Variants in SUCLG2 observed in about 807,000 individuals in gnomAD.
SUCLG2 encodes the protein succinate--CoA ligase [GDP-forming] subunit beta, mitochondrial.
Under a neutral mutation model 47.9 loss-of-function variants are expected in SUCLG2, and 42 were observed. The observed-to-expected ratio is 0.88, with a 90% CI of 0.69 to 1.14. The LOEUF is 1.14. Among genes scored for constraint, SUCLG2 ranks in the 50% most tolerant of loss-of-function variants. The probability of loss-of-function intolerance (pLI) is 0.00; values close to 1 mark genes in which losing one functional copy is unlikely to be tolerated. For synonymous variants in SUCLG2, 195 were observed against 197.3 expected, an observed-to-expected ratio of 0.99 and a Z score of 0.10; for missense variants, 571 against 525.9, an observed-to-expected ratio of 1.09 and a Z score of -0.84.
At chr3:67,649,069 G>A (rs1308773285) in intron 1 of SUCLG2, among the ~76,000 whole-genome samples, 1 of 152,182 alleles carries the variant, frequency 6.6e-6, no homozygotes, top group Non-Finnish European at 1.5e-5. Flanking sequence ...GGAAAGGCAG[G>A]GCTGGGTAAG....
chr3:67,605,312 T>C (rs1700389318), intron 2 of SUCLG2, among the ~76,000 whole-genome samples: 1 of 152,236 alleles, frequency 6.6e-6, no homozygotes, highest in African/African-American at 2.4e-5. Flanking sequence ...TCTGAAGTTT[T>C]GCCAGATTCT....
At chr3:67,555,314 TAGGG>T (rs1707129358) in intron 2 of SUCLG2, among the ~76,000 whole-genome samples, 1 of 152,170 alleles carries the variant, frequency 6.6e-6, no homozygotes, top group African/African-American at 2.4e-5. Context: ...TAAATGTACA[TAGGG>T]AGGGTAAAAT....
intron 9 of SUCLG2, among the ~76,000 whole-genome samples, chr3:67,427,152 A>G (rs1216445544): frequency 6.6e-6 from 1 of 152,236 alleles, no homozygotes; most frequent in Non-Finnish European, 1.5e-5. Context: ...TAAAATAGCC[A>G]AAGGTATGTA....
At chr3:67,377,187 T>C (rs1702052526) in intron 10 of SUCLG2, among the ~76,000 whole-genome samples, 1 of 152,216 alleles carries the variant, frequency 6.6e-6, no homozygotes. Context: ...AACTTTTCCA[T>C]GGTCACAGAG....
At chr3:67,468,058 G>T (rs1704517098) in intron 9 of SUCLG2, among the ~76,000 whole-genome samples, 1 of 152,198 alleles carries the variant, frequency 6.6e-6, no homozygotes, top group East Asian at 1.9e-4. Context: ...AAGCAGGCCG[G>T]GTGGTGTCAA....
intron 2 of SUCLG2, among the ~76,000 whole-genome samples, chr3:67,531,666 G>C (rs866299190): frequency 6.6e-6 from 1 of 152,020 alleles, no homozygotes; most frequent in Non-Finnish European, 1.5e-5. Flanking sequence ...ATACACCCCA[G>C]GCCAAAAATG....
intron 6 of SUCLG2, among the ~76,000 whole-genome samples, chr3:67,511,089 A>G (rs147835510): frequency 1.3e-5 from 2 of 152,018 alleles, no homozygotes; most frequent in Non-Finnish European, 2.9e-5. Context: ...GGTTTTCACC[A>G]CGTTGGCCAG....
intron 9 of SUCLG2, among the ~76,000 whole-genome samples, chr3:67,406,716 C>T (rs139203443): frequency 1.9e-3 from 294 of 152,226 alleles, no homozygotes; most frequent in African/African-American, 6.7e-3. Context: ...CATGCAGAGT[C>T]TCACAGAGCA....
chr3:67,590,193 T>G (rs1396807338), intron 2 of SUCLG2, among the ~76,000 whole-genome samples: 1 of 152,202 alleles, frequency 6.6e-6, no homozygotes, highest in African/African-American at 2.4e-5. Flanking sequence ...TTATATTATG[T>G]GAAGAACAAT....
chr3:67,379,576 A>G (rs1702109059), intron 10 of SUCLG2, among the ~76,000 whole-genome samples: 1 of 152,224 alleles, frequency 6.6e-6, no homozygotes, highest in Non-Finnish European at 1.5e-5. Flanking sequence ...TAAATAATTT[A>G]GTTCCTTAAT....
At chr3:67,374,239 A>C (rs575295592), downstream of SUCLG2, among the ~76,000 whole-genome samples, 1 of 152,352 alleles carries the variant, frequency 6.6e-6, no homozygotes, top group East Asian at 1.9e-4. Context: ...TGATCTATCC[A>C]ATAGTTTATT....
intron 1 of SUCLG2, among the ~76,000 whole-genome samples, chr3:67,626,025 T>TACA (rs55738024): frequency 0.099 from 6,868 of 69,500 alleles, 194 homozygotes; most frequent in African/African-American, 0.14. Context: ...TATATTTACA[T>TACA]TTTTTTTTTT....
At chr3:67,520,056 T>A (rs541691598) in intron 5 of SUCLG2, among the ~76,000 whole-genome samples, 2 of 152,258 alleles carry the variant, frequency 1.3e-5, no homozygotes, top group South Asian at 4.2e-4. Flanking sequence ...CTGAGAGAAC[T>A]CAAGACAGTT....
At chr3:67,520,872 G>A (rs1207082137) in intron 4 of SUCLG2, among the ~76,000 whole-genome samples, 1 of 152,144 alleles carries the variant, frequency 6.6e-6, no homozygotes, top group Admixed American at 6.5e-5. Flanking sequence ...TTGCCTCAAG[G>A]AACCTTCCCA....
At chr3:67,497,195 G>A (rs1310065629) in intron 8 of SUCLG2, among the ~76,000 whole-genome samples, 1 of 152,138 alleles carries the variant, frequency 6.6e-6, no homozygotes, top group Non-Finnish European at 1.5e-5. Context: ...GTAATTGGAT[G>A]TCATTTTCTA....
At chr3:67,391,183 A>G (rs889287678) in intron 10 of SUCLG2, among the ~76,000 whole-genome samples, 5 of 152,172 alleles carry the variant, frequency 3.3e-5, no homozygotes, top group East Asian at 1.9e-4. Flanking sequence ...TCTCTCTAAC[A>G]TTCCCTAAAC....
intron 2 of SUCLG2, among the ~76,000 whole-genome samples, chr3:67,565,905 T>C (rs886886331): frequency 1.4e-4 from 22 of 152,248 alleles, no homozygotes; most frequent in African/African-American, 1.4e-4. Context: ...ACTGCTCAAA[T>C]TGGAAATGTT....
intron 4 of SUCLG2, among the ~76,000 whole-genome samples, chr3:67,522,462 T>C (rs1160114304): frequency 6.6e-6 from 1 of 151,966 alleles, no homozygotes; most frequent in East Asian, 1.9e-4. Flanking sequence ...ATCCTAAAAG[T>C]GAAATGTCTA....
chr3:67,469,561 C>T (rs1254554464), intron 9 of SUCLG2, among the ~76,000 whole-genome samples: 1 of 151,144 alleles, frequency 6.6e-6, no homozygotes, highest in East Asian at 1.9e-4. Context: ...AACCCCGTCT[C>T]TACTAAAAAA....
Sources: gnomAD v4.1 joint callset for allele counts (sites outside exome capture counted in the v4.1 genomes callset) on GRCh38, gnomAD v4.1.1 for gene constraint, MANE v1.5 for transcripts, NCBI Gene and HGNC (gene_info 2026-07-23, HGNC 2026-07-21) for gene names.